DOCK6: variants seen among roughly 807,000 people sequenced by gnomAD.
The protein encoded by DOCK6 is dedicator of cytokinesis protein 6.
DOCK6 carries 167 observed loss-of-function variants against 230.3 expected under a neutral mutation model. That is an observed-to-expected ratio of 0.73 (90% confidence interval 0.64 to 0.82). The LOEUF (loss-of-function observed/expected upper bound fraction) is 0.82. Among genes scored for constraint, DOCK6 ranks in the 40% least tolerant of loss-of-function variants. DOCK6 has a pLI of 0.00. For synonymous variants in DOCK6, 1,148 were observed against 1,185.0 expected, an observed-to-expected ratio of 0.97 and a Z score of 0.64; for missense variants, 2,598 against 2,825.8, an observed-to-expected ratio of 0.92 and a Z score of 1.83.
intron 28 of DOCK6, among the ~76,000 whole-genome samples, chr19:11,220,810 T>C (rs1177503639): frequency 1.3e-5 from 2 of 151,754 alleles, no homozygotes; most frequent in East Asian, 1.9e-4. Context: ...GAAAAAAATA[T>C]ATAATATCTG....
intron 32 of DOCK6, 86 bp downstream of exon 32, chr19:11,215,301 G>T: frequency 8.2e-7 from 1 of 1,222,748 alleles, no homozygotes; most frequent in South Asian, 1.3e-5. Flanking sequence ...TGCCCAGGCT[G>T]GTCTCGAACT....
At position 11,200,148 on chromosome 19, in the gene DOCK6, CAAA is replaced by C. The variant is rs746812913; in HGVS notation, c.6101+157_6101+159del. Among the ~76,000 whole-genome samples, 25 of 75,882 alleles carry C rather than the reference CAAA, an allele frequency of 3.3e-4. No homozygotes were observed. The highest frequency in any genetic ancestry group is 6.1e-4 in the Non-Finnish European group (24 of 39,444). 49.8% of individuals were successfully genotyped at this position (75,882 alleles called of 152,430 possible). A position where few individuals can be genotyped will look rare whatever the true frequency, so the allele number is the denominator to read the frequency against. Reference sequence around the variant, plus strand: ...CCTGGGCAACAGAGGGAGAGTCTCTCAAAAAAAAAAACAAAAAAAAAACCGGAA... The same window carrying C: ...CCTGGGCAACAGAGGGAGAGTCTCTCAAAAAAAACAAAAAAAAAACCGGAA... On this transcript the variant is annotated intron_variant, in intron 47 of 47. Transcript: ENST00000294618. The surrounding 1 kb of genome is among the most constrained non-coding windows in gnomAD (Gnocchi z 4.3).
rs2079797735 is a variant in DOCK6 at position 11,233,312 on chromosome 19, G to A, written c.2609C>T (p.Pro870Leu). The A allele has an allele frequency of 6.2e-7, 1 of 1,613,718 alleles. No homozygotes were observed. Among genetic ancestry groups the A allele is most frequent in the Admixed American group, 1.7e-5 (1 of 59,988 alleles). The change falls in exon 22 of 48, where the codon CCC (proline) becomes CTC (leucine). Residue 870 changes from proline (P) to leucine (L), a missense_variant. Coordinates refer to ENST00000294618, the MANE Select transcript of DOCK6 (RefSeq NM_020812.4). ...GGAACGCGCCAGGTAGAGGCTTGCG[G>A]GGCGACCAGAGCCACGGGCCAGTGT... Reference protein sequence around the residue: ...AATLARGSGRPASLYLARSKS... With the variant: ...AATLARGSGRLASLYLARSKS...
intron 16 of DOCK6, 33 bp downstream of exon 16, chr19:11,238,012 G>T: frequency 6.2e-7 from 1 of 1,610,710 alleles, no homozygotes; most frequent in Non-Finnish European, 8.5e-7. Context: ...CCCCATGAGT[G>T]CCCCCAAGTT....
At position 11,248,007 on chromosome 19, in the gene DOCK6, G is replaced by A. The variant is rs2080061555; in HGVS notation, c.806+59C>T. On this transcript the variant is annotated intron_variant, in intron 7 of 47. Transcript: ENST00000294618. Reference sequence around the variant, plus strand: ...GCACTACTCATGTAGTGTGTACCCCGCCGGAACCCATGTGGTTGCTTCACG... The same window carrying A: ...GCACTACTCATGTAGTGTGTACCCCACCGGAACCCATGTGGTTGCTTCACG... 1.2e-5 allele frequency: 17 copies of A among 1,470,098 alleles called. No homozygotes were observed. The highest frequency in any genetic ancestry group is 7.2e-5 in the South Asian group (6 of 83,284). The allele number at this position is 1,470,098 out of a possible 1,614,324, so 91.1% of individuals were successfully genotyped here.
Position 11,236,855 on chromosome 19 carries a change from C to G in DOCK6, c.2098G>C (p.Val700Leu). ...CTGAACACGCCCTTGTGACCGTCCA[C>G]CCAGCGCATGCCCGGAAGCGCCACC... ...PDVALPGMRW[V>L]DGHKGVFSVE... Residue 700 changes from valine (V) to leucine (L), a missense_variant, in exon 19 of 48, where the codon GTG (valine) becomes CTG (leucine). Transcript: ENST00000294618. This position sits in a 1 kb window ranked among gnomAD's most constrained non-coding sequence, Gnocchi z 5.2. The G allele has an allele frequency of 7.7e-6, 12 of 1,554,980 alleles. No homozygotes were observed. Among genetic ancestry groups the G allele is most frequent in the Non-Finnish European group, 1.0e-5 (12 of 1,149,442 alleles).
chr19:11,204,993 C>T (rs1473595005), intron 39 of DOCK6, among the ~76,000 whole-genome samples: 1 of 152,186 alleles, frequency 6.6e-6, no homozygotes, highest in African/African-American at 2.4e-5. Context: ...AGGCATTCCC[C>T]AGGGCCAAGA....
chr19:11,249,793 G>A lies in DOCK6; in HGVS notation c.720+1081C>T, dbSNP rs545584972. Reference sequence around the variant, plus strand: ...GGCGCCTGTAGTCCCAGCTACTCGGGAGGCTGAGGCAGGAGAATGGCGTGA... The same window carrying A: ...GGCGCCTGTAGTCCCAGCTACTCGGAAGGCTGAGGCAGGAGAATGGCGTGA... On this transcript the variant is annotated intron_variant, in intron 6 of 47. Transcript: ENST00000294618. 6.5e-4 allele frequency among the ~76,000 whole-genome samples: 97 copies of A among 148,276 alleles called. No homozygotes were observed. The East Asian group carries it at 0.02, about 30-fold the overall frequency.
In DOCK6 at chr19:11,236,697, G is replaced by C; in HGVS notation, c.2160+96C>G. 1.3e-6 allele frequency: 2 copies of C among 1,518,400 alleles called. No homozygotes were observed. The highest frequency in any genetic ancestry group is 1.8e-6 in the Non-Finnish European group (2 of 1,118,682). The allele number at this position is 1,518,400 out of a possible 1,614,324, so 94.1% of individuals were successfully genotyped here. A position where few individuals can be genotyped will look rare whatever the true frequency, so the allele number is the denominator to read the frequency against. ...GACCAAAGTCACGTCCAAGGCCTGA[G>C]GCCAGACCTCCCCGGCCATCGGCAA... On this transcript the variant is annotated intron_variant, in intron 19 of 47. Transcript: ENST00000294618. The surrounding 1 kb of genome is among the most constrained non-coding windows in gnomAD (Gnocchi z 5.2).
At chr19:11,247,796 C>T (rs1486993382) in intron 7 of DOCK6, 4 of 372,452 alleles carry the variant, frequency 1.1e-5, no homozygotes, top group Non-Finnish European at 2.0e-5. Context: ...CCCACCTGTG[C>T]CCACTTCATG....
In DOCK6 at chr19:11,222,801, G is replaced by A; in HGVS notation, c.3174C>T (p.Asn1058=). The change falls in exon 26 of 48, where the codon AAC becomes AAT. Residue 1058 remains asparagine, a synonymous_variant. Coordinates refer to ENST00000294618, the MANE Select transcript of DOCK6 (RefSeq NM_020812.4). The surrounding 1 kb of genome is among the most constrained non-coding windows in gnomAD (Gnocchi z 4.0). ...LCSHEHYVTL[N]LPCCPLSPPA... ...GAGGTGACAGGGGGCAGCAGGGGAG[G>A]TTGAGGGTCACGTAGTGCTCGTGGC... is the stretch of plus-strand genomic sequence containing the variant. The A allele has an allele frequency of 1.3e-6, 2 of 1,590,030 alleles. No homozygotes were observed. Among genetic ancestry groups the A allele is most frequent in the Non-Finnish European group, 1.7e-6 (2 of 1,168,630 alleles).
chr19:11,213,264 C>T lies in DOCK6; in HGVS notation c.4403G>A (p.Arg1468Gln), dbSNP rs2079423862. 5.0e-6 allele frequency: 8 copies of T among 1,613,042 alleles called. No homozygotes were observed. Among genetic ancestry groups the T allele is most frequent in the East Asian group, 2.2e-5 (1 of 44,888 alleles). ...LCADLCLRLL[R>Q]HCGSRISTIR... is the part of the protein sequence containing the mutation. ...GGTGCTGATGCGGCTGCCACAGTGT[C>T]GTAGGAGCCTCAGGCACAGGTCGGC... Residue 1468 changes from arginine (R) to glutamine (Q), a missense_variant, in exon 35 of 48, where the codon CGA becomes CAA. Transcript: ENST00000294618.
rs2079472541 is a variant in DOCK6 at position 11,215,611 on chromosome 19, A to T, written c.4022-140T>A. 3.1e-6 allele frequency: 4 copies of T among 1,279,022 alleles called. No individual in the cohort carries two copies. In the African/African-American group the frequency reaches 5.8e-5, roughly 19 times the overall value. The allele number at this position is 1,279,022 out of a possible 1,614,324, so 79.2% of individuals were successfully genotyped here. ...GGTGGAGCAGAAGCCTGCCGGGTGG[A>T]CGCACAGGGGCAAACACGAGTGACA... On this transcript the variant is annotated intron_variant, in intron 31 of 47. Coordinates refer to ENST00000294618, the MANE Select transcript of DOCK6 (RefSeq NM_020812.4).
intron 14 of DOCK6, chr19:11,241,344 AC>A: frequency 1.4e-6 from 1 of 726,544 alleles, no homozygotes; most frequent in Non-Finnish European, 2.4e-6. Context: ...AGCATTGTTG[AC>A]TTGCTGGGTC....
At position 11,201,101 on chromosome 19, in the gene DOCK6, C is replaced by G. The variant is rs551659587; in HGVS notation, c.5689-49G>C. ...GTACTCGCTGGGGCCTGAGGAGGTC[C>G]TGATCGAAGCCAGTCGGGGGCAGCT... On this transcript the variant is annotated intron_variant, in intron 44 of 47. Coordinates refer to ENST00000294618, the MANE Select transcript of DOCK6 (RefSeq NM_020812.4). This position sits in a 1 kb window ranked among gnomAD's most constrained non-coding sequence, Gnocchi z 4.3. 219 of 1,602,764 alleles carry G rather than the reference C, an allele frequency of 1.4e-4. 4 individuals carry two copies. The South Asian group carries it at 2.4e-3, about 17-fold the overall frequency.
In DOCK6 at chr19:11,199,313, T is replaced by G. The variant is rs2079125629; in HGVS notation, c.*184A>C. ...GCACAGGTTGCTTATAAAAACCATT[T>G]TAAATTAAAAAAGGGAGGAAGCATC... On this transcript the variant is annotated 3_prime_UTR_variant, in exon 48 of 48. Transcript: ENST00000294618. The G allele has an allele frequency of 1.4e-6, 1 of 733,718 alleles. No homozygotes were observed. Among genetic ancestry groups the G allele is most frequent in the African/African-American group, 1.8e-5 (1 of 56,138 alleles). 45.5% of individuals were successfully genotyped at this position (733,718 alleles called of 1,614,324 possible). A position where few individuals can be genotyped will look rare whatever the true frequency, so the allele number is the denominator to read the frequency against.
chr19:11,209,582 A>G (rs1337406471), intron 37 of DOCK6, among the ~76,000 whole-genome samples: 1 of 114,208 alleles, frequency 8.8e-6, no homozygotes, highest in African/African-American at 3.8e-5. Flanking sequence ...TCACCTGTCC[A>G]TCCCTTCACT....
At chr19:11,232,467 T>C (rs2079780618) in intron 22 of DOCK6, among the ~76,000 whole-genome samples, 1 of 152,104 alleles carries the variant, frequency 6.6e-6, no homozygotes, top group Admixed American at 6.5e-5. Context: ...ACATAACTTG[T>C]GTATGTGGGT....
At chr19:11,209,126 T>A (rs1367270391) in intron 37 of DOCK6, 23 bp from the exon 38 acceptor site, 2 of 1,604,232 alleles carry the variant, frequency 1.2e-6, no homozygotes, top group East Asian at 4.5e-5. Flanking sequence ...TGAGGGGGGA[T>A]GTGAGGAGGG....
Sources: allele counts gnomAD v4.1 joint callset (sites outside exome capture counted in the v4.1 genomes callset), GRCh38; gene constraint gnomAD v4.1.1; non-coding constraint Gnocchi (gnomAD v3.1); transcripts MANE v1.5; gene names NCBI Gene and HGNC (gene_info 2026-07-23, HGNC 2026-07-21).